Variants in AKAP6 observed in about 807,000 individuals in gnomAD.
AKAP6 encodes the protein A-kinase anchoring protein 6.
AKAP6 carries 58 observed loss-of-function variants against 188.5 expected under a neutral mutation model. The ratio of observed to expected loss-of-function variants is 0.31; its 90% CI spans 0.25 to 0.38. The LOEUF is 0.38. Among genes scored for constraint, AKAP6 ranks in the 10% least tolerant of loss-of-function variants. AKAP6 has a pLI of 1.00. For synonymous variants in AKAP6, 989 were observed against 998.6 expected (o/e 0.99, Z 0.18); for missense variants, 2,710 against 2,740.0 (o/e 0.99, Z 0.24).
intron 1 of AKAP6, among the ~76,000 whole-genome samples, chr14:32,425,832 G>A (rs982153216): frequency 6.6e-6 from 1 of 152,162 alleles, no homozygotes; most frequent in Admixed American, 6.5e-5. Context: ...CTTTTGCTGT[G>A]CAGATGTTGT....
intron 2 of AKAP6, among the ~76,000 whole-genome samples, chr14:32,488,737 C>G (rs779060966): frequency 6.6e-6 from 1 of 152,162 alleles, no homozygotes; most frequent in East Asian, 1.9e-4. Flanking sequence ...CCAGATAGCA[C>G]GGTCCTTCAC....
intron 12 of AKAP6, among the ~76,000 whole-genome samples, chr14:32,805,866 A>T (rs1212812182): frequency 2.0e-5 from 3 of 152,222 alleles, no homozygotes; most frequent in African/African-American, 7.2e-5. Context: ...ACATTGAAAT[A>T]CCAATATTGA....
At position 32,822,337 on chromosome 14, in the gene AKAP6, A is replaced by T. The variant is rs1296462518; in HGVS notation, c.4524A>T (p.Ser1508=). Residue 1508 remains serine, a synonymous_variant, in exon 13 of 14, where the codon TCA becomes TCT. Coordinates refer to ENST00000280979, the MANE Select transcript of AKAP6 (RefSeq NM_004274.5). The part of the protein sequence containing the change: ...LLRGFYFDKK[S]CKSKHQTTEL... ...GTGGTTTTTATTTTGATAAAAAATC[A>T]TGCAAATCTAAACATCAGACTACAG... The T allele has an allele frequency of 3.1e-6, 5 of 1,613,990 alleles. No individual in the cohort carries two copies. The highest frequency in any genetic ancestry group is 1.3e-5 in the African/African-American group (1 of 75,034).
chr14:32,698,222 T>C (rs1680618777), intron 9 of AKAP6, among the ~76,000 whole-genome samples: 1 of 152,122 alleles, frequency 6.6e-6, no homozygotes, highest in South Asian at 2.1e-4. Flanking sequence ...GAAGAATTAA[T>C]TTCATGTCTT....
intron 2 of AKAP6, among the ~76,000 whole-genome samples, chr14:32,514,480 G>C (rs1403673253): frequency 6.6e-6 from 1 of 152,144 alleles, no homozygotes; most frequent in Non-Finnish European, 1.5e-5. Context: ...GTCATACAAT[G>C]AGTCAGCAAT....
At chr14:32,775,535 T>C (rs2033032669) in intron 12 of AKAP6, among the ~76,000 whole-genome samples, 1 of 151,794 alleles carries the variant, frequency 6.6e-6, no homozygotes, top group Non-Finnish European at 1.5e-5. Context: ...TGGGCTCAAG[T>C]GATCCCCCCA....
chr14:32,450,450 A>G (rs545332096), intron 2 of AKAP6, among the ~76,000 whole-genome samples: 1 of 152,324 alleles, frequency 6.6e-6, no homozygotes, highest in African/African-American at 2.4e-5. Flanking sequence ...TATAGGAAAT[A>G]TAGCCTCACT....
intron 1 of AKAP6, among the ~76,000 whole-genome samples, chr14:32,405,994 T>C (rs1889279327): frequency 6.6e-6 from 1 of 152,220 alleles, no homozygotes; most frequent in Admixed American, 6.5e-5. Context: ...GTTCTTCCTT[T>C]TGAAAATCAG....
At chr14:32,800,848 A>G (rs2033926910) in intron 12 of AKAP6, among the ~76,000 whole-genome samples, 1 of 151,952 alleles carries the variant, frequency 6.6e-6, no homozygotes, top group South Asian at 2.1e-4. Context: ...AAACCCATCT[A>G]TGCAAAAAAA....
At chr14:32,387,056 G>A (rs1030419841) in intron 1 of AKAP6, among the ~76,000 whole-genome samples, 15 of 151,576 alleles carry the variant, frequency 9.9e-5, no homozygotes, top group Non-Finnish European at 5.9e-5. Context: ...TCCAGCTATT[G>A]TAAAAGGAGT....
In AKAP6 at chr14:32,777,189, G is replaced by C. The variant is rs148640526; in HGVS notation, c.3588+3296G>C. ...CCTGAAAGGATCAAACTGTTTCAAA[G>C]TAATTTAACTATACTCCCAGGACAA... On this transcript the variant is annotated intron_variant, in intron 12 of 13. Coordinates refer to ENST00000280979, the MANE Select transcript of AKAP6 (RefSeq NM_004274.5). Among the ~76,000 whole-genome samples, 1,438 of 152,230 alleles carry C rather than the reference G, an allele frequency of 9.4e-3. 26 individuals carry two copies. Among genetic ancestry groups the C allele is most frequent in the African/African-American group, 0.033 (1,354 of 41,530 alleles).
At chr14:32,559,099 C>CA (rs1206115931) in intron 4 of AKAP6, among the ~76,000 whole-genome samples, 1 of 152,130 alleles carries the variant, frequency 6.6e-6, no homozygotes. Flanking sequence ...GACACAAAAT[C>CA]AATACTATTG....
chr14:32,789,880 T>C lies in AKAP6; in HGVS notation c.3588+15987T>C, dbSNP rs201703600. Among the ~76,000 whole-genome samples, 34 of 152,292 alleles carry C rather than the reference T, an allele frequency of 2.2e-4. No individual in the cohort carries two copies. The East Asian group carries it at 3.5e-3, about 16-fold the overall frequency. ...CTGGGTTGGGGCTGAGATGGCTGAA[T>C]TGACAGAAGTAGGCTTCAGGAGGTG... On this transcript the variant is annotated intron_variant, in intron 12 of 13. Coordinates refer to ENST00000280979, the MANE Select transcript of AKAP6 (RefSeq NM_004274.5).
At chr14:32,527,103 T>A (rs1393078596) in intron 2 of AKAP6, among the ~76,000 whole-genome samples, 2 of 152,218 alleles carry the variant, frequency 1.3e-5, no homozygotes, top group African/African-American at 4.8e-5. Context: ...AACATCCTCT[T>A]CTCTACTTAG....
intron 1 of AKAP6, among the ~76,000 whole-genome samples, chr14:32,419,300 G>A (rs1247019963): frequency 6.6e-6 from 1 of 152,138 alleles, no homozygotes; most frequent in African/African-American, 2.4e-5. Context: ...TGACATCAGA[G>A]TCTTCTAAGG....
intron 12 of AKAP6, among the ~76,000 whole-genome samples, chr14:32,794,033 A>G (rs1383905526): frequency 6.6e-6 from 1 of 152,190 alleles, no homozygotes; most frequent in Non-Finnish European, 1.5e-5. Flanking sequence ...TTCCACCCCA[A>G]AACAACAGAA....
intron 9 of AKAP6, among the ~76,000 whole-genome samples, chr14:32,721,221 C>A (rs149496824): frequency 6.6e-6 from 1 of 152,130 alleles, no homozygotes; most frequent in South Asian, 2.1e-4. Flanking sequence ...CACAGAAAAC[C>A]CTTTGAGATG....
At chr14:32,567,478 G>A (rs185958777) in intron 4 of AKAP6, among the ~76,000 whole-genome samples, 14 of 152,200 alleles carry the variant, frequency 9.2e-5, no homozygotes, top group African/African-American at 3.4e-4. Flanking sequence ...TAGAAAGTTG[G>A]CCGTAGCATT....
At chr14:32,361,145 C>G (rs1887650314) in intron 1 of AKAP6, among the ~76,000 whole-genome samples, 1 of 151,376 alleles carries the variant, frequency 6.6e-6, no homozygotes, top group Non-Finnish European at 1.5e-5. Context: ...ATGTCAGGCT[C>G]TGCTATAAAT....
Sources: allele counts gnomAD v4.1 joint callset (sites outside exome capture counted in the v4.1 genomes callset), GRCh38; gene constraint gnomAD v4.1.1; transcripts MANE v1.5; gene names NCBI Gene and HGNC (gene_info 2026-07-23, HGNC 2026-07-21).